DOCK3: variants seen among roughly 807,000 people sequenced by gnomAD.
DOCK3 encodes dedicator of cytokinesis 3, also known as dedicator of cytokinesis protein 3.
DOCK3 carries 60 observed loss-of-function variants against 265.6 expected under a neutral mutation model. That is an observed-to-expected ratio of 0.23 (90% CI 0.18 to 0.28). The LOEUF (loss-of-function observed/expected upper bound fraction) is 0.28, where lower values mean the gene tolerates loss of function less well. Ranked by LOEUF, DOCK3 falls within the 10% of genes least tolerant of loss-of-function variation. The probability of loss-of-function intolerance (pLI) is 1.00; values close to 1 mark genes in which losing one functional copy is unlikely to be tolerated. For missense variants in DOCK3, 1,981 were observed against 2,594.3 expected, an observed-to-expected ratio of 0.76 and a Z score of 5.14; for synonymous variants, 881 against 938.0, an observed-to-expected ratio of 0.94 and a Z score of 1.11.
chr3:51,259,373 A>G (rs1284983716), intron 22 of DOCK3, among the ~76,000 whole-genome samples: 3 of 152,180 alleles, frequency 2.0e-5, no homozygotes, highest in Admixed American at 1.3e-4. Context: ...CTGGCTTTTC[A>G]GTGTCTGGGA....
intron 9 of DOCK3, among the ~76,000 whole-genome samples, chr3:51,145,227 TTTA>T (rs150240532): frequency 2.0e-5 from 3 of 151,838 alleles, no homozygotes; most frequent in Middle Eastern, 3.4e-3. Flanking sequence ...TGGATCTCTT[TTTA>T]TTATTATTAT....
At chr3:51,305,733 CGCGTGTGTGTGT>C (rs1262897315) in intron 27 of DOCK3, among the ~76,000 whole-genome samples, 2 of 135,526 alleles carry the variant, frequency 1.5e-5, no homozygotes, top group Admixed American at 1.6e-4. Flanking sequence ...TGTGTGTGTG[CGCGTGTGTGTGT>C]GTGTGTGTGT....
chr3:51,177,859 C>T (rs541180939), intron 12 of DOCK3, among the ~76,000 whole-genome samples: 7 of 151,878 alleles, frequency 4.6e-5, no homozygotes, highest in African/African-American at 7.3e-5. Context: ...AGCATAGTGG[C>T]GCATGCCTGT....
rs147898866 is a variant in DOCK3, at chr3:50,868,901, G to GTTTTT, written c.163-21104_163-21100dup. On this transcript the variant is annotated intron_variant, in intron 3 of 52. Coordinates refer to ENST00000266037, the MANE Select transcript of DOCK3 (RefSeq NM_004947.5). Reference sequence around the variant, plus strand: ...CTGATTTTATTTATTTGGATAATCTGTTTTTTTTTTTTTTTTTTTTTTTTT... The same window carrying GTTTTT: ...CTGATTTTATTTATTTGGATAATCTGTTTTTTTTTTTTTTTTTTTTTTTTTTTTTT... 4.5e-3 allele frequency among the ~76,000 whole-genome samples: 64 copies of GTTTTT among 14,276 alleles called. 5 individuals are homozygous for GTTTTT. Among genetic ancestry groups the GTTTTT allele is most frequent in the African/African-American group, 0.013 (53 of 4,140 alleles). 9.4% of individuals were successfully genotyped at this position (14,276 alleles called of 152,430 possible). A position where few individuals can be genotyped will look rare whatever the true frequency, so the allele number is the denominator to read the frequency against.
chr3:51,194,133 T>A (rs1230226567), intron 12 of DOCK3, among the ~76,000 whole-genome samples: 7 of 152,180 alleles, frequency 4.6e-5, no homozygotes, highest in South Asian at 2.1e-4. Context: ...GATTTTTTTT[T>A]ATTTCCATCT....
intron 46 of DOCK3, among the ~76,000 whole-genome samples, chr3:51,358,797 A>G (rs1420844065): frequency 1.3e-5 from 2 of 152,218 alleles, no homozygotes; most frequent in Non-Finnish European, 2.9e-5. Flanking sequence ...TTAAACACAC[A>G]AACAGGACTT....
intron 21 of DOCK3, among the ~76,000 whole-genome samples, chr3:51,240,400 G>A (rs892491212): frequency 2.0e-5 from 3 of 152,220 alleles, no homozygotes; most frequent in African/African-American, 7.2e-5. Context: ...TGAGACAAAT[G>A]TATGTTCTCT....
intron 3 of DOCK3, among the ~76,000 whole-genome samples, chr3:50,843,860 G>A (rs73079138): frequency 0.011 from 1,667 of 152,100 alleles, 18 homozygotes; most frequent in Non-Finnish European, 0.017. Context: ...TTCATCCTGC[G>A]TCAGTGATAT....
intron 5 of DOCK3, among the ~76,000 whole-genome samples, chr3:50,969,172 T>C (rs34438446): frequency 0.31 from 46,855 of 152,178 alleles, 9,399 homozygotes; most frequent in Non-Finnish European, 0.42. Context: ...TTGGGGCATG[T>C]ATATTTAGGA....
chr3:50,704,625 AT>A (rs58284778), intron 1 of DOCK3, among the ~76,000 whole-genome samples: 84,413 of 110,748 alleles, frequency 0.76, 30,944 homozygotes, highest in East Asian at 0.87. Context: ...TGTAGGCAGC[AT>A]TTTTTTTTTT....
intron 9 of DOCK3, among the ~76,000 whole-genome samples, chr3:51,140,065 A>T (rs2084977219): frequency 6.6e-6 from 1 of 152,194 alleles, no homozygotes; most frequent in South Asian, 2.1e-4. Context: ...AACCACGAAA[A>T]AGTTTGTTGT....
chr3:51,191,992 C>T (rs2087975863), intron 12 of DOCK3, among the ~76,000 whole-genome samples: 1 of 148,782 alleles, frequency 6.7e-6, no homozygotes, highest in South Asian at 2.3e-4. Flanking sequence ...AGGTTTGCTT[C>T]TGGTTTGCTA....
chr3:50,724,578 A>G (rs1167213232), intron 1 of DOCK3, among the ~76,000 whole-genome samples: 5 of 152,136 alleles, frequency 3.3e-5, no homozygotes, highest in African/African-American at 7.2e-5. Flanking sequence ...ATTCTCAGCA[A>G]AGTAACACAG....
intron 2 of DOCK3, among the ~76,000 whole-genome samples, chr3:50,791,258 CTTTTTTTTTTTTTT>C (rs34015684): frequency 1.6e-5 from 1 of 62,782 alleles, no homozygotes; most frequent in African/African-American, 6.0e-5. Flanking sequence ...TTAAATCTAT[CTTTTTTTTTTTTTT>C]TTTTTTTTTG....
intron 3 of DOCK3, among the ~76,000 whole-genome samples, chr3:50,845,568 G>C (rs980975951): frequency 2.0e-5 from 3 of 152,108 alleles, no homozygotes; most frequent in Non-Finnish European, 4.4e-5. Context: ...GGCAGGAAAG[G>C]CAGATTGGAC....
intron 4 of DOCK3, among the ~76,000 whole-genome samples, chr3:50,915,462 C>T (rs143246455): frequency 3.3e-5 from 5 of 152,142 alleles, no homozygotes; most frequent in East Asian, 3.9e-4. Context: ...CTCTAGGGGA[C>T]GAGTTCACCT....
chr3:51,201,077 A>C (rs1443732305), intron 12 of DOCK3, among the ~76,000 whole-genome samples: 5 of 152,030 alleles, frequency 3.3e-5, no homozygotes, highest in Non-Finnish European at 7.4e-5. Context: ...ATCATGCCAA[A>C]ATGTAAAGAC....
At chr3:51,334,711 T>G (rs2084750262) in intron 35 of DOCK3, among the ~76,000 whole-genome samples, 1 of 152,114 alleles carries the variant, frequency 6.6e-6, no homozygotes, top group Non-Finnish European at 1.5e-5. Context: ...GGAAGAGAGG[T>G]GGGTAAAGTG....
chr3:50,778,690 G>T lies in DOCK3; in HGVS notation c.53G>T (p.Arg18Leu). 1 of 1,586,138 alleles carries T rather than the reference G, an allele frequency of 6.3e-7. No individual in the cohort carries two copies. Among genetic ancestry groups the T allele is most frequent in the East Asian group, 2.3e-5 (1 of 44,184 alleles). The change falls in exon 2 of 53, where the codon CGA (arginine) becomes CTA (leucine). Residue 18 changes from arginine (R) to leucine (L), a missense_variant. Physicochemically the swap from Arg to Leu is moderately radical, Grantham distance 102 (BLOSUM62 -2). This residue lies in a region of DOCK3 where 456 missense variants were observed against 539.0 expected (regional missense o/e 0.85). Coordinates refer to ENST00000266037, the MANE Select transcript of DOCK3 (RefSeq NM_004947.5). Reference sequence around the variant, plus strand: ...GCTTTTCTAGTGATATGCAGCTTTCGAGGATCTGTCCCTCAAGGGTTGGTC... The same window carrying T: ...GCTTTTCTAGTGATATGCAGCTTTCTAGGATCTGTCCCTCAAGGGTTGGTC... Reference protein sequence around the residue: ...EKYGVVICSFRGSVPQGLVLE... With the variant: ...EKYGVVICSFLGSVPQGLVLE...
Sources: allele counts gnomAD v4.1 joint callset (sites outside exome capture counted in the v4.1 genomes callset), GRCh38; gene constraint gnomAD v4.1.1; regional missense constraint gnomAD v4.1.1; transcripts MANE v1.5; gene names NCBI Gene and HGNC (gene_info 2026-07-23, HGNC 2026-07-21).